SEMA3A: variants seen among roughly 807,000 people sequenced by gnomAD.
SEMA3A encodes semaphorin 3A, also known as semaphorin-3A.
Under a neutral mutation model 97.9 loss-of-function variants are expected in SEMA3A, and 29 were observed. That is an observed-to-expected ratio of 0.30 (90% confidence interval 0.22 to 0.40). SEMA3A has a LOEUF of 0.40. Among genes scored for constraint, SEMA3A ranks in the 10% least tolerant of loss-of-function variants. The pLI, the probability that SEMA3A is intolerant of heterozygous loss-of-function variation, is 1.00. For synonymous variants in SEMA3A, 321 were observed against 323.7 expected, an observed-to-expected ratio of 0.99 and a Z score of 0.09; for missense variants, 763 against 951.3, an observed-to-expected ratio of 0.80 and a Z score of 2.60.
chr7:84,051,399 G>C (rs952599803), intron 5 of SEMA3A, among the ~76,000 whole-genome samples: 8 of 152,126 alleles, frequency 5.3e-5, no homozygotes, highest in African/African-American at 7.2e-5. Flanking sequence ...GCAGTGATTT[G>C]TACTTCTCCT....
At chr7:84,388,562 T>C (rs922922084) in intron 1 of SEMA3A, among the ~76,000 whole-genome samples, 2 of 152,058 alleles carry the variant, frequency 1.3e-5, no homozygotes, top group Non-Finnish European at 2.9e-5. Flanking sequence ...ACAACAAGGC[T>C]GCTATTACCA....
At chr7:83,994,974 T>G (rs897635803) in intron 12 of SEMA3A, among the ~76,000 whole-genome samples, 9 of 152,002 alleles carry the variant, frequency 5.9e-5, no homozygotes, top group African/African-American at 2.2e-4. Context: ...CGAGACTCCA[T>G]GGGCACAGGA....
At chr7:84,281,556 G>C (rs943922830) in intron 3 of SEMA3A, among the ~76,000 whole-genome samples, 1 of 152,166 alleles carries the variant, frequency 6.6e-6, no homozygotes, top group East Asian at 1.9e-4. Flanking sequence ...TTTAGTTAAT[G>C]ATAGCCTGGG....
At chr7:84,428,592 C>T (rs1194400820) in intron 1 of SEMA3A, among the ~76,000 whole-genome samples, 2 of 151,842 alleles carry the variant, frequency 1.3e-5, no homozygotes, top group East Asian at 1.9e-4. Context: ...TATTTCTTCT[C>T]TATTATTGCT....
intron 4 of SEMA3A, among the ~76,000 whole-genome samples, chr7:84,066,256 T>C (rs1234768836): frequency 2.6e-5 from 4 of 152,098 alleles, no homozygotes; most frequent in Non-Finnish European, 4.4e-5. Flanking sequence ...AATTAGGTAT[T>C]GATGGGACGT....
At chr7:84,130,371 G>C (rs760461415) in intron 2 of SEMA3A, among the ~76,000 whole-genome samples, 1 of 152,088 alleles carries the variant, frequency 6.6e-6, no homozygotes, top group Non-Finnish European at 1.5e-5. Context: ...TATTGAAGTA[G>C]TGTATGATGA....
chr7:83,972,813 T>A (rs554550849), intron 15 of SEMA3A, among the ~76,000 whole-genome samples: 1 of 152,276 alleles, frequency 6.6e-6, no homozygotes, highest in Admixed American at 6.5e-5. Context: ...TTCAAACCTC[T>A]TCTTATTCAT....
chr7:84,277,606 A>G (rs1187694409), intron 3 of SEMA3A, among the ~76,000 whole-genome samples: 1 of 152,142 alleles, frequency 6.6e-6, no homozygotes, highest in Non-Finnish European at 1.5e-5. Flanking sequence ...ATAAAGAAAT[A>G]CCTGAGACAG....
rs1788551308 is a variant in SEMA3A at position 83,963,331 on chromosome 7, G to C, written c.1734C>G (p.His578Gln). 6.2e-7 allele frequency: 1 copy of C among 1,612,738 alleles called. No individual in the cohort carries two copies. Among genetic ancestry groups the C allele is most frequent in the Middle Eastern group, 1.7e-4 (1 of 6,056 alleles). The change falls in exon 16 of 17, where the codon CAC (histidine) becomes CAG (glutamine). Residue 578 changes from histidine to glutamine, a missense_variant. By Grantham distance (24) the His-to-Gln change is conservative. This residue lies in a region of SEMA3A where 678 missense variants were observed against 881.3 expected (regional missense o/e 0.77). Coordinates refer to ENST00000265362, the MANE Select transcript of SEMA3A (RefSeq NM_006080.3). ...SDLHHDNHHG[H>Q]SPEERIIYGV... Reference sequence around the variant, plus strand: ...CATAGATGATTCTCTCTTCAGGGCTGTGGCCATGGTGATTATCTGGCCAGT... The same window carrying C: ...CATAGATGATTCTCTCTTCAGGGCTCTGGCCATGGTGATTATCTGGCCAGT...
intron 1 of SEMA3A, among the ~76,000 whole-genome samples, chr7:84,438,186 T>C (rs10258742): frequency 3.5e-4 from 54 of 152,214 alleles, no homozygotes; most frequent in African/African-American, 1.1e-3. Context: ...CTGTCTACTA[T>C]TGGCACAAAA....
intron 2 of SEMA3A, among the ~76,000 whole-genome samples, chr7:84,354,953 A>G (rs965646736): frequency 1.3e-5 from 2 of 151,736 alleles, no homozygotes; most frequent in Admixed American, 6.6e-5. Context: ...AAGTCATAAA[A>G]TCAGTTTTTC....
At chr7:84,150,329 C>G (rs749156669) in intron 1 of SEMA3A, among the ~76,000 whole-genome samples, 1 of 152,116 alleles carries the variant, frequency 6.6e-6, no homozygotes, top group African/African-American at 2.4e-5. Flanking sequence ...TCTGAGGTAC[C>G]GGGTTCATCT....
intron 2 of SEMA3A, among the ~76,000 whole-genome samples, chr7:84,347,572 C>T (rs1272931611): frequency 1.3e-5 from 2 of 152,024 alleles, no homozygotes; most frequent in East Asian, 2.0e-4. Context: ...CCACCACGCC[C>T]GGCTAATTTT....
intron 4 of SEMA3A, among the ~76,000 whole-genome samples, chr7:84,095,662 G>T (rs1273018489): frequency 1.3e-5 from 2 of 150,538 alleles, no homozygotes; most frequent in South Asian, 2.1e-4. Flanking sequence ...GTTATCCAGG[G>T]GAGATCAAAG....
At chr7:84,301,350 A>G (rs1488953301) in intron 3 of SEMA3A, among the ~76,000 whole-genome samples, 1 of 152,110 alleles carries the variant, frequency 6.6e-6, no homozygotes, top group African/African-American at 2.4e-5. Flanking sequence ...ATATCAAAGA[A>G]TTTGTCTTCA....
intron 1 of SEMA3A, among the ~76,000 whole-genome samples, chr7:84,419,565 C>T (rs935619110): frequency 3.3e-5 from 5 of 151,376 alleles, no homozygotes; most frequent in Non-Finnish European, 7.4e-5. Flanking sequence ...CTAAAATAGA[C>T]TGCCTAAAGC....
At chr7:84,192,015 T>C (rs1215916875) in intron 1 of SEMA3A, among the ~76,000 whole-genome samples, 1 of 151,928 alleles carries the variant, frequency 6.6e-6, no homozygotes, top group Non-Finnish European at 1.5e-5. Flanking sequence ...AAGTAGAAAG[T>C]AAGCACAGTG....
At chr7:84,023,775 C>A (rs1378880515) in intron 6 of SEMA3A, among the ~76,000 whole-genome samples, 12 of 151,948 alleles carry the variant, frequency 7.9e-5, no homozygotes, top group Non-Finnish European at 1.8e-4. Context: ...CTTTGGGAGG[C>A]CGAGGCGGGT....
intron 15 of SEMA3A, among the ~76,000 whole-genome samples, chr7:83,965,975 A>T (rs952084949): frequency 6.6e-6 from 1 of 150,500 alleles, no homozygotes; most frequent in South Asian, 2.1e-4. Flanking sequence ...CACCGCGCCC[A>T]GCCACCAATG....
Sources: allele counts gnomAD v4.1 joint callset (sites outside exome capture counted in the v4.1 genomes callset), GRCh38; gene constraint gnomAD v4.1.1; regional missense constraint gnomAD v4.1.1; transcripts MANE v1.5; gene names NCBI Gene and HGNC (gene_info 2026-07-23, HGNC 2026-07-21).